Variants in CDK20 observed in about 807,000 individuals in gnomAD.
The protein encoded by CDK20 is cyclin-dependent kinase 20.
CDK20 carries 40 observed loss-of-function variants against 38.6 expected under a neutral mutation model. The ratio of observed to expected loss-of-function variants is 1.04; its 90% CI spans 0.81 to 1.35. The LOEUF (loss-of-function observed/expected upper bound fraction) is 1.35, where lower values mean the gene tolerates loss of function less well. Among genes scored for constraint, CDK20 ranks in the 40% most tolerant of loss-of-function variants. The pLI is 0.00. For synonymous variants in CDK20, 209 were observed against 185.7 expected, an observed-to-expected ratio of 1.13 and a Z score of -1.02; for missense variants, 512 against 452.6, an observed-to-expected ratio of 1.13 and a Z score of -1.19.
chr9:87,970,662 T>C, intron 4 of CDK20, 32 bp from the exon 5 acceptor site: 1 of 1,613,674 alleles, frequency 6.2e-7, no homozygotes, highest in Non-Finnish European at 8.5e-7. Flanking sequence ...GGCACTGGGC[T>C]GAGAAAAGGA....
chr9:87,967,219 G>C lies in CDK20; in HGVS notation c.*243C>G, dbSNP rs1042940558. 1.4e-6 allele frequency: 1 copy of C among 692,906 alleles called. No homozygotes were observed. Among genetic ancestry groups the C allele is most frequent in the Non-Finnish European group, 2.7e-6 (1 of 375,896 alleles). The allele number at this position is 692,906 out of a possible 1,614,324, so 42.9% of individuals were successfully genotyped here. ...CTGATGGGTACGTCAGTAGCACACA[G>C]AAGGTAAGGCTCACCGAGCACAGGC... On this transcript the variant is annotated 3_prime_UTR_variant, in exon 8 of 8. Coordinates refer to ENST00000325303, the MANE Select transcript of CDK20 (RefSeq NM_001039803.3).
Position 87,969,313 on chromosome 9 carries a change from AG to A in CDK20, c.723del (p.Phe242LeufsTer65). The A allele has an allele frequency of 3.7e-6, 6 of 1,614,012 alleles. No individual in the cohort carries two copies. Among genetic ancestry groups the A allele is most frequent in the Non-Finnish European group, 5.1e-6 (6 of 1,179,954 alleles). On this transcript the variant is annotated frameshift_variant, in exon 7 of 8. Transcript: ENST00000325303. LOFTEE classifies it high-confidence loss of function. ...LTELPDYNKI[S>X]FKEQVPMPLE... ...AGGGGCATGGGCACCTGCTCCTTAA[AG>A]GAGATCTTGTTGTAGTCCGGCAGCT... is the stretch of plus-strand genomic sequence containing the variant.
rs762065664 is a variant in CDK20 at position 87,973,984 on chromosome 9, C to G, written c.127G>C (p.Gly43Arg). 6.2e-7 allele frequency: 1 copy of G among 1,614,182 alleles called. No individual in the cohort carries two copies. Among genetic ancestry groups the G allele is most frequent in the Middle Eastern group, 1.6e-4 (1 of 6,062 alleles). Residue 43 changes from glycine to arginine, a missense_variant, in exon 2 of 8, where the codon GGC becomes CGC. Coordinates refer to ENST00000325303, the MANE Select transcript of CDK20 (RefSeq NM_001039803.3). Reference protein sequence around the residue: ...KKVALRRLEDGFPNQALREIK... With the variant: ...KKVALRRLEDRFPNQALREIK... ...TCCCGCAGGGCCTGGTTAGGGAAGCCGTCCTCCAACCGCCTTAGGGCCACC... is the reference window on the plus strand; with the variant it reads ...TCCCGCAGGGCCTGGTTAGGGAAGCGGTCCTCCAACCGCCTTAGGGCCACC...
rs367859513 is a variant in CDK20 at position 87,972,842 on chromosome 9, C to T, written c.189+1080G>A. 1.2e-4 allele frequency among the ~76,000 whole-genome samples: 18 copies of T among 152,294 alleles called. No individual in the cohort carries two copies. In the South Asian group the frequency reaches 3.3e-3, roughly 28 times the overall value. On this transcript the variant is annotated intron_variant, in intron 2 of 7. Transcript: ENST00000325303. Reference sequence around the variant, plus strand: ...CATGGCTGTCTGGAAGCCCTTTTATCTTCCTCAAAAAATCAAAATGGCCTG... The same window carrying T: ...CATGGCTGTCTGGAAGCCCTTTTATTTTCCTCAAAAAATCAAAATGGCCTG...
At chr9:87,972,506 TGA>T (rs941281547) in intron 2 of CDK20, among the ~76,000 whole-genome samples, 7 of 152,118 alleles carry the variant, frequency 4.6e-5, no homozygotes, top group African/African-American at 1.4e-4. Context: ...TTGTGTTGAA[TGA>T]GAGAAAAGGG....
chr9:87,974,025 ATC>A lies in CDK20; in HGVS notation c.84_85del (p.Glu28AspfsTer18), dbSNP rs1564161419. ...TAGGGCCACCTTCTTGAGGGCAACT[ATC>A]TCGCCAGTCTGCAGGATAGAAGGCA... On this transcript the variant is annotated frameshift_variant, in exon 2 of 8. Transcript: ENST00000325303. LOFTEE classifies it high-confidence loss of function. The A allele has an allele frequency of 6.2e-7, 1 of 1,614,146 alleles. No homozygotes were observed.
intron 6 of CDK20, 23 bp from the exon 7 acceptor site, chr9:87,969,372 G>C: frequency 6.2e-7 from 1 of 1,612,180 alleles, no homozygotes; most frequent in Non-Finnish European, 8.5e-7. Context: ...GAAGGAACAG[G>C]GTACAATGAG....
rs759457795 is a variant in CDK20, at chr9:87,967,485, G to A, written c.1018C>T (p.Arg340Trp). ...TCTCACCCCTCCAGGATGAAGGGCCGAATCAGCTCTGGGTTCAACAGCGAC... is the reference window on the plus strand; with the variant it reads ...TCTCACCCCTCCAGGATGAAGGGCCAAATCAGCTCTGGGTTCAACAGCGAC... ...EESLLNPELI[R>W]PFILEG The change falls in exon 8 of 8, where the codon CGG becomes TGG. Residue 340 changes from arginine to tryptophan, a missense_variant. Arg to Trp is a moderately radical substitution (Grantham distance 101, BLOSUM62 -3). Coordinates refer to ENST00000325303, the MANE Select transcript of CDK20 (RefSeq NM_001039803.3). 39 of 1,555,388 alleles carry A rather than the reference G, an allele frequency of 2.5e-5. No individual in the cohort carries two copies. The highest frequency in any genetic ancestry group is 9.7e-5 in the East Asian group (4 of 41,054).
chr9:87,967,410 A>G lies in CDK20; in HGVS notation c.*52T>C. Reference sequence around the variant, plus strand: ...GAAGCCAGGCAGGTGGCAGAGGAACAGGTGGACTGAGTGGTCCTGAGGAGC... The same window carrying G: ...GAAGCCAGGCAGGTGGCAGAGGAACGGGTGGACTGAGTGGTCCTGAGGAGC... On this transcript the variant is annotated 3_prime_UTR_variant, in exon 8 of 8. Transcript: ENST00000325303. The G allele has an allele frequency of 6.5e-7, 1 of 1,532,742 alleles. No homozygotes were observed. Among genetic ancestry groups the G allele is most frequent in the Non-Finnish European group, 8.8e-7 (1 of 1,129,986 alleles). 94.9% of individuals were successfully genotyped at this position (1,532,742 alleles called of 1,614,324 possible).
rs759844599 is a variant in CDK20 at position 87,970,845 on chromosome 9, G to A, written c.431C>T (p.Ala144Val). 42 of 1,614,080 alleles carry A rather than the reference G, an allele frequency of 2.6e-5. No individual in the cohort carries two copies. Among genetic ancestry groups the A allele is most frequent in the East Asian group, 4.5e-5 (2 of 44,882 alleles). ...LISASGQLKI[A>V]DFGLARVFSP... ...AAAGACTCGAGCCAGGCCAAAGTCC[G>A]CTATCTTGAGCTGGCCTGAGGCGCT... The change falls in exon 4 of 8, where the codon GCG (alanine) becomes GTG (valine). Residue 144 changes from alanine (A) to valine (V), a missense_variant. Transcript: ENST00000325303.
At chr9:87,969,100 C>T in intron 7 of CDK20, 94 bp downstream of exon 7, 1 of 1,421,958 alleles carries the variant, frequency 7.0e-7, no homozygotes, top group South Asian at 1.3e-5. Flanking sequence ...CTGAGGGTCG[C>T]TGATGTGATG....
chr9:87,970,022 A>G, intron 5 of CDK20, 103 bp from the exon 6 acceptor site: 2 of 1,357,888 alleles, frequency 1.5e-6, no homozygotes. Context: ...AGGCCCCACA[A>G]GCCAGCCCTG....
At chr9:87,967,807 A>G (rs1829535791) in intron 7 of CDK20, 148 bp from the exon 8 acceptor site, 2 of 655,310 alleles carry the variant, frequency 3.1e-6, no homozygotes, top group South Asian at 5.1e-5. Context: ...GCACTATTCC[A>G]GAAGCTGGGA....
At chr9:87,974,198 G>A (rs1830068556) in intron 1 of CDK20, 163 bp from the exon 2 acceptor site, 1 of 1,334,762 alleles carries the variant, frequency 7.5e-7, no homozygotes, top group Non-Finnish European at 1.0e-6. Context: ...GCTGGGGTAG[G>A]GGACCAAGCC....
Position 87,970,770 on chromosome 9 carries a change from C to T in CDK20, c.500+6G>A. ...AGAAGACTGGAAGGGATCTGGCCCTCCCTACCTGGTGGCCACCTGGTGTGT... is the reference window on the plus strand; with the variant it reads ...AGAAGACTGGAAGGGATCTGGCCCTTCCTACCTGGTGGCCACCTGGTGTGT... On this transcript the variant is annotated splice_donor_region_variant and intron_variant, in intron 4 of 7. Coordinates refer to ENST00000325303, the MANE Select transcript of CDK20 (RefSeq NM_001039803.3). 1 of 1,613,390 alleles carries T rather than the reference C, an allele frequency of 6.2e-7. No individual in the cohort carries two copies. The highest frequency in any genetic ancestry group is 8.5e-7 in the Non-Finnish European group (1 of 1,179,988).
intron 2 of CDK20, among the ~76,000 whole-genome samples, chr9:87,972,789 C>T (rs1278219705): frequency 6.6e-6 from 1 of 152,180 alleles, no homozygotes; most frequent in Non-Finnish European, 1.5e-5. Context: ...TCACCAGCTT[C>T]CTTATGGATC....
At chr9:87,972,904 A>G (rs1030292323) in intron 2 of CDK20, among the ~76,000 whole-genome samples, 78 of 152,210 alleles carry the variant, frequency 5.1e-4, no homozygotes, top group Non-Finnish European at 1.3e-4. Context: ...GTACACAACC[A>G]TTTAACAGAT....
rs889675004 is a variant in CDK20, at chr9:87,971,424, G to A, written c.190-89C>T. The A allele has an allele frequency of 5.7e-6, 7 of 1,218,554 alleles. No individual in the cohort carries two copies. In the African/African-American group the frequency reaches 6.1e-5, roughly 11 times the overall value. The allele number at this position is 1,218,554 out of a possible 1,614,324, so 75.5% of individuals were successfully genotyped here. A position where few individuals can be genotyped will look rare whatever the true frequency, so the allele number is the denominator to read the frequency against. On this transcript the variant is annotated intron_variant, in intron 2 of 7. Coordinates refer to ENST00000325303, the MANE Select transcript of CDK20 (RefSeq NM_001039803.3). ...GACCCCAGCCCATGCCCTGACAGAG[G>A]ACCCTGTATCCAAAAAGACAGTAAG...
At chr9:87,972,285 G>A (rs1829917573) in intron 2 of CDK20, among the ~76,000 whole-genome samples, 3 of 152,156 alleles carry the variant, frequency 2.0e-5, no homozygotes, top group Admixed American at 1.3e-4. Flanking sequence ...CTTTATTTAG[G>A]TGGGGTGGGG....
Sources: allele counts gnomAD v4.1 joint callset (sites outside exome capture counted in the v4.1 genomes callset), GRCh38; gene constraint gnomAD v4.1.1; transcripts MANE v1.5; gene names NCBI Gene and HGNC (gene_info 2026-07-23, HGNC 2026-07-21).